Variants in CRHBP observed in about 807,000 individuals in gnomAD.
CRHBP encodes the protein corticotropin releasing hormone binding protein.
A neutral mutation model predicts 34.9 loss-of-function variants in CRHBP; 19 were observed. The observed-to-expected ratio is 0.55, with a 90% CI of 0.38 to 0.80. The LOEUF (loss-of-function observed/expected upper bound fraction) is 0.80, where lower values mean the gene tolerates loss of function less well. Ranked by LOEUF, CRHBP falls within the 30% of genes least tolerant of loss-of-function variation. The pLI is 0.00. For missense variants in CRHBP, 328 were observed against 409.2 expected (o/e 0.80, Z 1.71); for synonymous variants, 154 against 153.4 (o/e 1.00, Z -0.03).
At chr5:76,975,933 T>TGTGTATATATATATATATATGC (rs989045665) in intron 2 of CRHBP, among the ~76,000 whole-genome samples, 2 of 103,852 alleles carry the variant, frequency 1.9e-5, no homozygotes, top group Non-Finnish European at 3.7e-5. Flanking sequence ...TATATGTGTG[T>TGTGTATATATATATATATATGC]GTGTATATAT....
chr5:76,961,014 G>T (rs770908973), intron 5 of CRHBP, among the ~76,000 whole-genome samples: 14 of 151,986 alleles, frequency 9.2e-5, no homozygotes, highest in Non-Finnish European at 1.9e-4. Context: ...TGATCTGCCC[G>T]CCTCGGCCTC....
In CRHBP at chr5:76,958,733, C is replaced by T. The variant is rs759218687; in HGVS notation, c.545-8C>T. 6.2e-7 allele frequency: 1 copy of T among 1,600,310 alleles called. No homozygotes were observed. The highest frequency in any genetic ancestry group is 8.5e-7 in the Non-Finnish European group (1 of 1,176,514). On this transcript the variant is annotated splice_region_variant and splice_polypyrimidine_tract_variant and intron_variant, in intron 4 of 6. Transcript: ENST00000274368. ...GGAAACGTGAATTTCTTTTTCTTTT[C>T]TACAAAGCTTGCAATGTCATTTCTC...
At chr5:76,959,002 T>A in intron 5 of CRHBP, 113 bp downstream of exon 5, 1 of 1,046,266 alleles carries the variant, frequency 9.6e-7, no homozygotes, top group Non-Finnish European at 1.3e-6. Context: ...TACGTTGCTC[T>A]GATGAACTCT....
At chr5:76,962,641 G>A (rs892516558) in intron 5 of CRHBP, among the ~76,000 whole-genome samples, 1 of 151,588 alleles carries the variant, frequency 6.6e-6, no homozygotes, top group Middle Eastern at 3.4e-3. Flanking sequence ...AAAAAAGGGG[G>A]AAGCAGGAAA....
Position 76,953,636 on chromosome 5 carries a change from C to T in CRHBP, c.117C>T (p.Leu39=). ...REAADYDPFL[L]FSANLKRELA... ...CGGCGGACTACGATCCTTTCCTGCT[C>T]TTCAGCGCCAACCTGAAGCGGGAGC... Residue 39 remains leucine, a synonymous_variant, in exon 2 of 7, where the codon CTC becomes CTT. Transcript: ENST00000274368. 1 of 1,612,750 alleles carries T rather than the reference C, an allele frequency of 6.2e-7. No individual in the cohort carries two copies. The highest frequency in any genetic ancestry group is 8.5e-7 in the Non-Finnish European group (1 of 1,179,560).
intron 5 of CRHBP, among the ~76,000 whole-genome samples, chr5:76,960,425 A>G (rs1007349437): frequency 2.6e-5 from 4 of 152,268 alleles, no homozygotes; most frequent in Admixed American, 2.6e-4. Context: ...CCTGCAGGCC[A>G]CATTAGGGAG....
In CRHBP at chr5:76,953,784, G is replaced by A; in HGVS notation, c.175+90G>A. 2.2e-6 allele frequency: 3 copies of A among 1,381,634 alleles called. No individual in the cohort carries two copies. The East Asian group carries it at 7.5e-5, about 34-fold the overall frequency. 85.6% of individuals were successfully genotyped at this position (1,381,634 alleles called of 1,614,324 possible). On this transcript the variant is annotated intron_variant, in intron 2 of 6. Transcript: ENST00000274368. ...GGCAGAGGGCTCGCGGACATCTCGGGGAAGGGGCTGGCCGGAACCGCCAGG... is the reference window on the plus strand; with the variant it reads ...GGCAGAGGGCTCGCGGACATCTCGGAGAAGGGGCTGGCCGGAACCGCCAGG...
At chr5:76,971,597 T>C (rs1745944876), downstream of CRHBP, among the ~76,000 whole-genome samples, 1 of 152,188 alleles carries the variant, frequency 6.6e-6, no homozygotes, top group South Asian at 2.1e-4. Context: ...CTCACCCTAA[T>C]CCTAACGTTT....
chr5:76,973,004 G>A (rs1189349705), downstream of CRHBP, among the ~76,000 whole-genome samples: 1 of 152,078 alleles, frequency 6.6e-6, no homozygotes, highest in Non-Finnish European at 1.5e-5. Context: ...GGACTCCAAG[G>A]CCATACAGGA....
chr5:76,975,849 CGCATATATATAT>C lies in CRHBP; in HGVS notation n.312-515_312-504del, dbSNP rs751440975. Among the ~76,000 whole-genome samples, 18 of 87,454 alleles carry C rather than the reference CGCATATATATAT, an allele frequency of 2.1e-4. 1 individual carries two copies. Among genetic ancestry groups the C allele is most frequent in the South Asian group, 1.1e-3 (3 of 2,824 alleles). 57.4% of individuals were successfully genotyped at this position (87,454 alleles called of 152,430 possible). A position where few individuals can be genotyped will look rare whatever the true frequency, so the allele number is the denominator to read the frequency against. On this transcript the variant is annotated intron_variant and non_coding_transcript_variant, in intron 2 of 3. Transcript: ENST00000514258. ...AAATATATATATATATATATATACA[CGCATATATATAT>C]ACACACACATATACATGCATATATA...
intron 6 of CRHBP, among the ~76,000 whole-genome samples, chr5:76,964,614 G>A (rs1745832278): frequency 6.6e-6 from 1 of 152,222 alleles, no homozygotes; most frequent in Non-Finnish European, 1.5e-5. Flanking sequence ...AGCACTTTGG[G>A]AGGCCGAAGC....
chr5:76,981,059 A>G (rs1016524727), exon 4 of CRHBP: 2 of 152,178 alleles, frequency 1.3e-5, no homozygotes, highest in African/African-American at 4.8e-5. Flanking sequence ...CACCTCCTCA[A>G]TATCACCTCA....
downstream of CRHBP, among the ~76,000 whole-genome samples, chr5:76,972,343 C>T (rs144994662): frequency 8.0e-3 from 1,220 of 152,068 alleles, 22 homozygotes; most frequent in African/African-American, 0.028. Context: ...CTACTAAAAA[C>T]ACAAAAATTA....
intron 6 of CRHBP, among the ~76,000 whole-genome samples, chr5:76,965,217 A>G (rs565473818): frequency 1.3e-5 from 2 of 152,248 alleles, no homozygotes; most frequent in African/African-American, 4.8e-5. Context: ...TGGGATGGGG[A>G]GCATCTTGGA....
At chr5:76,957,582 C>T (rs1222683228) in intron 4 of CRHBP, among the ~76,000 whole-genome samples, 1 of 152,114 alleles carries the variant, frequency 6.6e-6, no homozygotes, top group East Asian at 1.9e-4. Flanking sequence ...GACAGAGTTT[C>T]ACCATCTTGG....
At chr5:76,953,873 C>T (rs965895561) in intron 2 of CRHBP, among the ~76,000 whole-genome samples, 156 bp from the exon 3 acceptor site, 1 of 152,170 alleles carries the variant, frequency 6.6e-6, no homozygotes, top group Non-Finnish European at 1.5e-5. Flanking sequence ...GAGGGTGGCG[C>T]GCCCGGGGCG....
intron 3 of CRHBP, 140 bp downstream of exon 3, chr5:76,954,326 C>T: frequency 9.7e-7 from 1 of 1,031,340 alleles, no homozygotes; most frequent in East Asian, 2.6e-5. Flanking sequence ...GTGCCCGAGT[C>T]GGAGAGGCGC....
intron 3 of CRHBP, among the ~76,000 whole-genome samples, chr5:76,977,673 C>T (rs1350773063): frequency 6.6e-6 from 1 of 152,164 alleles, no homozygotes; most frequent in African/African-American, 2.4e-5. Context: ...CTCTAAGACA[C>T]AAGAATATTA....
rs771002672 is a variant in CRHBP at position 76,955,677 on chromosome 5, G to A, written c.358G>A (p.Gly120Arg). 1 of 1,614,056 alleles carries A rather than the reference G, an allele frequency of 6.2e-7. No individual in the cohort carries two copies. The highest frequency in any genetic ancestry group is 1.7e-5 in the Admixed American group (1 of 60,006). The part of the protein sequence containing the change: ...LKVFDGWILK[G>R]EKFPSSQDHP... ...GGTATTTGATGGTTGGATTCTCAAGGGGGAGAAGTTCCCCAGTTCCCAGGA... is the reference window on the plus strand; with the variant it reads ...GGTATTTGATGGTTGGATTCTCAAGAGGGAGAAGTTCCCCAGTTCCCAGGA... The change falls in exon 4 of 7, where the codon GGG becomes AGG. Residue 120 changes from glycine (G) to arginine (R), a missense_variant. This residue lies in a region of CRHBP where 173 missense variants were observed against 172.2 expected (regional missense o/e 1.00). Coordinates refer to ENST00000274368, the MANE Select transcript of CRHBP (RefSeq NM_001882.4).
Sources: allele counts gnomAD v4.1 joint callset (sites outside exome capture counted in the v4.1 genomes callset), GRCh38; gene constraint gnomAD v4.1.1; regional missense constraint gnomAD v4.1.1; transcripts MANE v1.5; gene names NCBI Gene and HGNC (gene_info 2026-07-23, HGNC 2026-07-21).